PCNX1: variants seen among roughly 807,000 people sequenced by gnomAD.
The protein encoded by PCNX1 is pecanex 1.
Under a neutral mutation model 242.2 loss-of-function variants are expected in PCNX1, and 78 were observed. That is an observed-to-expected ratio of 0.32 (90% CI 0.27 to 0.39). The LOEUF (loss-of-function observed/expected upper bound fraction) is 0.39. PCNX1 is among the 10% of genes least tolerant of loss of function. The probability of loss-of-function intolerance (pLI) is 1.00; values close to 1 mark genes in which losing one functional copy is unlikely to be tolerated. For synonymous variants in PCNX1, 1,024 were observed against 1,032.9 expected, an observed-to-expected ratio of 0.99 and a Z score of 0.17; for missense variants, 2,581 against 2,856.5, an observed-to-expected ratio of 0.90 and a Z score of 2.20.
chr14:70,962,784 A>G (rs1365018701), intron 3 of PCNX1, among the ~76,000 whole-genome samples: 2 of 152,264 alleles, frequency 1.3e-5, no homozygotes, highest in African/African-American at 2.4e-5. Context: ...TCTTTCTACT[A>G]TGTAACTTTT....
chr14:71,097,245 T>G (rs1391668348), intron 30 of PCNX1, among the ~76,000 whole-genome samples: 1 of 152,226 alleles, frequency 6.6e-6, no homozygotes, highest in African/African-American at 2.4e-5. Flanking sequence ...TCTGCATCTT[T>G]GCTATTGTTG....
At chr14:71,037,701 T>C (rs1277554936) in intron 19 of PCNX1, among the ~76,000 whole-genome samples, 3 of 152,004 alleles carry the variant, frequency 2.0e-5, no homozygotes, top group South Asian at 2.1e-4. Context: ...CAGTATTTTA[T>C]TGAGGATTTT....
intron 2 of PCNX1, among the ~76,000 whole-genome samples, chr14:70,949,126 A>G (rs924063568): frequency 7.6e-6 from 1 of 130,750 alleles, no homozygotes; most frequent in Admixed American, 7.5e-5. Flanking sequence ...ATGTGTATAT[A>G]TGTACATATA....
At chr14:70,961,898 G>A (rs1208066373) in intron 2 of PCNX1, among the ~76,000 whole-genome samples, 1 of 152,096 alleles carries the variant, frequency 6.6e-6, no homozygotes, top group Non-Finnish European at 1.5e-5. Context: ...TCATTTCTTT[G>A]TGAGAGTGGT....
rs140940867 is a variant in PCNX1 at position 70,947,914 on chromosome 14, G to A, written c.362+791G>A. Among the ~76,000 whole-genome samples, 952 of 152,284 alleles carry A rather than the reference G, an allele frequency of 6.3e-3. 8 individuals carry two copies. The highest frequency in any genetic ancestry group is 0.022 in the African/African-American group (918 of 41,564). On this transcript the variant is annotated intron_variant, in intron 2 of 35. Transcript: ENST00000304743. ...TTCCCAGGGGGAGGCCTCTAAAATG[G>A]CCACTCTGGGAGTGTCTGTCTTACG... is the stretch of plus-strand genomic sequence containing the variant.
At chr14:70,931,519 G>C (rs577237953) in intron 1 of PCNX1, among the ~76,000 whole-genome samples, 1 of 152,262 alleles carries the variant, frequency 6.6e-6, no homozygotes, top group African/African-American at 2.4e-5. Context: ...TACAATTTAC[G>C]ATAGGATTAG....
chr14:71,068,606 G>GTC (rs1555373223), intron 26 of PCNX1, among the ~76,000 whole-genome samples: 1 of 144,432 alleles, frequency 6.9e-6, no homozygotes, highest in Non-Finnish European at 1.5e-5. Flanking sequence ...GTGTGTGTGT[G>GTC]TGTGTGTGTG....
chr14:71,086,766 C>G (rs1595473571), intron 28 of PCNX1, among the ~76,000 whole-genome samples: 1 of 152,192 alleles, frequency 6.6e-6, no homozygotes, highest in African/African-American at 2.4e-5. Flanking sequence ...TCAGAGGCCT[C>G]TGTCTCAATT....
chr14:71,011,432 T>C (rs2059817792), intron 9 of PCNX1, 60 bp from the exon 10 acceptor site: 1 of 899,846 alleles, frequency 1.1e-6, no homozygotes, highest in Non-Finnish European at 1.8e-6. Flanking sequence ...ATCTGAATGT[T>C]AAAGGATATA....
intron 24 of PCNX1, chr14:71,053,333 C>T: frequency 6.7e-6 from 3 of 449,778 alleles, no homozygotes; most frequent in South Asian, 4.7e-5. Flanking sequence ...AGTGCAATGA[C>T]ACAATCTCGA....
chr14:71,092,227 C>T (rs1181509656), intron 30 of PCNX1, among the ~76,000 whole-genome samples: 1 of 152,244 alleles, frequency 6.6e-6, no homozygotes, highest in Non-Finnish European at 1.5e-5. Flanking sequence ...TCCACTGTTA[C>T]TACACCAGCA....
intron 13 of PCNX1, among the ~76,000 whole-genome samples, chr14:71,025,504 A>G (rs2060217682): frequency 1.3e-5 from 2 of 152,056 alleles, no homozygotes; most frequent in Admixed American, 1.3e-4. Context: ...CTAGAATCTC[A>G]TTGCATCTAG....
At chr14:71,092,688 A>G (rs1057114488) in intron 30 of PCNX1, 2 of 152,276 alleles carry the variant, frequency 1.3e-5, no homozygotes, top group South Asian at 2.1e-4. Flanking sequence ...AAGCACCAAA[A>G]TTTAAGGCAG....
At chr14:71,000,106 G>T (rs1261069529) in intron 8 of PCNX1, among the ~76,000 whole-genome samples, 1 of 151,654 alleles carries the variant, frequency 6.6e-6, no homozygotes. Context: ...ATTTTTGGGG[G>T]GTGAGGGGCA....
intron 13 of PCNX1, among the ~76,000 whole-genome samples, chr14:71,025,832 G>A (rs1456901402): frequency 6.6e-6 from 1 of 151,452 alleles, no homozygotes; most frequent in Non-Finnish European, 1.5e-5. Context: ...GCACTCTACT[G>A]CATTCCAGTC....
At chr14:71,073,279 C>G (rs561116881) in intron 26 of PCNX1, among the ~76,000 whole-genome samples, 1 of 152,306 alleles carries the variant, frequency 6.6e-6, no homozygotes, top group Admixed American at 6.5e-5. Flanking sequence ...GCCTGGGCTA[C>G]AGAGGGAGAC....
chr14:70,981,731 A>G (rs1056257136), intron 6 of PCNX1, among the ~76,000 whole-genome samples: 16 of 152,190 alleles, frequency 1.1e-4, no homozygotes, highest in South Asian at 4.1e-4. Context: ...CATAGAAGCT[A>G]TATGGTAGAA....
intron 5 of PCNX1, among the ~76,000 whole-genome samples, chr14:70,969,665 TC>T (rs2058482264): frequency 6.6e-6 from 1 of 152,106 alleles, no homozygotes; most frequent in Non-Finnish European, 1.5e-5. Context: ...TAACCCTATA[TC>T]CCATTCCTAA....
chr14:71,029,813 A>G (rs1439750910), intron 16 of PCNX1, among the ~76,000 whole-genome samples: 1 of 152,236 alleles, frequency 6.6e-6, no homozygotes, highest in African/African-American at 2.4e-5. Context: ...GATGACATCT[A>G]AGGTCATTCC....
Sources: gnomAD v4.1 joint callset for allele counts (sites outside exome capture counted in the v4.1 genomes callset) on GRCh38, gnomAD v4.1.1 for gene constraint, MANE v1.5 for transcripts, NCBI Gene and HGNC (gene_info 2026-07-23, HGNC 2026-07-21) for gene names.